ZNF492: variants seen among roughly 807,000 people sequenced by gnomAD.
ZNF492 encodes the protein zinc finger protein 115 (Y20).
ZNF492 carries 3 observed loss-of-function variants against 6.4 expected under a neutral mutation model. That is an observed-to-expected ratio of 0.47 (90% CI 0.21 to 1.22). The LOEUF (loss-of-function observed/expected upper bound fraction) is 1.22. Among genes scored for constraint, ZNF492 ranks in the 50% most tolerant of loss-of-function variants. The probability of loss-of-function intolerance (pLI) is 0.22; values close to 1 mark genes in which losing one functional copy is unlikely to be tolerated. For synonymous variants in ZNF492, 112 were observed against 205.3 expected (o/e 0.55, Z 3.89); for missense variants, 356 against 612.5 (o/e 0.58, Z 4.42).
rs1016634421 is a variant in ZNF492 at position 22,664,633 on chromosome 19, T to C, written c.964T>C (p.Ser322Pro). The C allele has an allele frequency of 6.2e-7, 1 of 1,613,652 alleles. No individual in the cohort carries two copies. The highest frequency in any genetic ancestry group is 8.5e-7 in the Non-Finnish European group (1 of 1,179,844). ...ATGTGGTAAGGCCTTTAGCCAGTTA[T>C]CCCACCTTACTACACATAAGAGAAT... ...EECGKAFSQL[S>P]HLTTHKRIHS... Residue 322 changes from serine (S) to proline (P), a missense_variant, in exon 4 of 4, where the codon TCC (serine) becomes CCC (proline). Transcript: ENST00000456783.
intron 3 of ZNF492, among the ~76,000 whole-genome samples, chr19:22,658,804 G>A (rs576202638): frequency 7.7e-5 from 11 of 143,316 alleles, no homozygotes; most frequent in African/African-American, 3.1e-4. Flanking sequence ...GTATGCAAAT[G>A]ACTCTTCATG....
rs373133389 is a variant in ZNF492, at chr19:22,661,038, C to T, written c.131-2762C>T. On this transcript the variant is annotated intron_variant, in intron 3 of 3. Coordinates refer to ENST00000456783, the MANE Select transcript of ZNF492 (RefSeq NM_020855.3). ...TTTGTAAATGACACATTACTTTTAC[C>T]TTGTAGCTCCTAAGACTTTCTTCTT... Among the ~76,000 whole-genome samples the T allele has an allele frequency of 8.5e-4, 129 of 151,718 alleles. 1 individual carries two copies. The highest frequency in any genetic ancestry group is 2.9e-3 in the African/African-American group (119 of 41,388).
chr19:22,638,751 T>C (rs1402346449), intron 1 of ZNF492, among the ~76,000 whole-genome samples: 1 of 152,202 alleles, frequency 6.6e-6, no homozygotes, highest in Non-Finnish European at 1.5e-5. Flanking sequence ...TTTTTAGCTC[T>C]GTTAAGAAAT....
chr19:22,650,235 T>C (rs1835993), intron 1 of ZNF492, among the ~76,000 whole-genome samples: 29,267 of 151,842 alleles, frequency 0.19, 3,638 homozygotes, highest in African/African-American at 0.36. Context: ...CTGGTTCACT[T>C]CTGAACCTGG....
intron 2 of ZNF492, 77 bp downstream of exon 2, chr19:22,653,510 G>A (rs1286239337): frequency 2.6e-6 from 4 of 1,528,832 alleles, no homozygotes; most frequent in Non-Finnish European, 3.5e-6. Flanking sequence ...ATGGTTTTTG[G>A]TAATTTATGC....
rs372255344 is a variant in ZNF492, at chr19:22,650,815, G to A, written c.-93-2492G>A. ...GCCAGGAGCTATAGAGATGACTGCC[G>A]CCCTTCCCCTGCCCAGGGAGCCTAG... On this transcript the variant is annotated intron_variant, in intron 1 of 3. Coordinates refer to ENST00000456783, the MANE Select transcript of ZNF492 (RefSeq NM_020855.3). 9.0e-4 allele frequency among the ~76,000 whole-genome samples: 137 copies of A among 152,242 alleles called. 1 individual carries two copies. The highest frequency in any genetic ancestry group is 2.9e-3 in the African/African-American group (120 of 41,526).
chr19:22,634,841 T>C lies in ZNF492; in HGVS notation c.-94+367T>C, dbSNP rs1164236914. 3.3e-5 allele frequency among the ~76,000 whole-genome samples: 5 copies of C among 152,160 alleles called. No homozygotes were observed. The East Asian group carries it at 9.7e-4, about 29-fold the overall frequency. ...ACGAATGGGAAGAGCTTTGGTTTGG[T>C]TTATGGGGTTCCTAGTTCCTCTTTT... On this transcript the variant is annotated intron_variant, in intron 1 of 3. Coordinates refer to ENST00000456783, the MANE Select transcript of ZNF492 (RefSeq NM_020855.3).
chr19:22,643,318 G>A (rs1431388279), intron 1 of ZNF492, among the ~76,000 whole-genome samples: 2 of 152,022 alleles, frequency 1.3e-5, no homozygotes, highest in Non-Finnish European at 2.9e-5. Context: ...AGACTCAGTC[G>A]GATATTGCTG....
At position 22,664,006 on chromosome 19, in the gene ZNF492, T is replaced by C; in HGVS notation, c.337T>C (p.Phe113Leu). ...TTTGACGACTACCCAGAACAAAATA[T>C]TTCAATGTGACAAATATGTGAAAGT... ...QCLTTTQNKIFQCDKYVKVFH... is the reference protein window; with the variant it reads ...QCLTTTQNKILQCDKYVKVFH... Residue 113 changes from phenylalanine to leucine, a missense_variant, in exon 4 of 4, where the codon TTT (phenylalanine) becomes CTT (leucine). Coordinates refer to ENST00000456783, the MANE Select transcript of ZNF492 (RefSeq NM_020855.3). 6.2e-7 allele frequency: 1 copy of C among 1,610,628 alleles called. No homozygotes were observed. The highest frequency in any genetic ancestry group is 8.5e-7 in the Non-Finnish European group (1 of 1,178,210).
At chr19:22,651,847 A>AAATAATAAT (rs3033251) in intron 1 of ZNF492, among the ~76,000 whole-genome samples, 1 of 151,838 alleles carries the variant, frequency 6.6e-6, no homozygotes, top group African/African-American at 2.4e-5. Flanking sequence ...GAAAGTTTAA[A>AAATAATAAT]AATAATAATA....
chr19:22,659,287 C>T (rs2957831), intron 3 of ZNF492, among the ~76,000 whole-genome samples: 22,508 of 141,632 alleles, frequency 0.16, 2,333 homozygotes, highest in African/African-American at 0.29. Flanking sequence ...TAATTTTCTT[C>T]TTTTTGTAAT....
chr19:22,656,775 C>G (rs1972000756), intron 3 of ZNF492, among the ~76,000 whole-genome samples: 1 of 152,072 alleles, frequency 6.6e-6, no homozygotes, highest in Admixed American at 6.6e-5. Flanking sequence ...TGAAAGCCTG[C>G]CTTCTGAAGA....
chr19:22,651,028 C>T (rs1470263470), intron 1 of ZNF492, among the ~76,000 whole-genome samples: 1 of 152,190 alleles, frequency 6.6e-6, no homozygotes, highest in African/African-American at 2.4e-5. Context: ...GGATCCTAGG[C>T]CCCAGTGGCA....
Position 22,665,075 on chromosome 19 carries a change from T to G in ZNF492, c.1406T>G (p.Met469Arg), listed in dbSNP as rs1337311646. 6.2e-7 allele frequency: 1 copy of G among 1,603,968 alleles called. No homozygotes were observed. The change falls in exon 4 of 4, where the codon ATG becomes AGG. Residue 469 changes from methionine (M) to arginine (R), a missense_variant. Around this residue, in one of 7 missense-constraint regions of ZNF492, gnomAD observed 81 missense variants for 115.4 expected, o/e 0.70. Transcript: ENST00000456783. ...TCCTCACACCTTACTACACATAAGA[T>G]GATTCATACTGGAGAGAAACCCTAC... is the stretch of plus-strand genomic sequence containing the variant. ...NQSSHLTTHK[M>R]IHTGEKPYKC... is the part of the protein sequence containing the mutation.
intron 3 of ZNF492, among the ~76,000 whole-genome samples, chr19:22,661,756 T>C (rs953100559): frequency 8.5e-5 from 13 of 152,082 alleles, no homozygotes; most frequent in Admixed American, 2.6e-4. Flanking sequence ...GACCCCATGC[T>C]CAGCTACTTT....
intron 3 of ZNF492, among the ~76,000 whole-genome samples, chr19:22,660,343 CTT>C (rs1203502545): frequency 3.3e-5 from 5 of 150,886 alleles, no homozygotes; most frequent in African/African-American, 4.9e-5. Context: ...CATTTTCTCT[CTT>C]TGTGTCTTTT....
At chr19:22,655,487 T>TA (rs1477005747) in intron 3 of ZNF492, among the ~76,000 whole-genome samples, 1 of 152,014 alleles carries the variant, frequency 6.6e-6, no homozygotes, top group African/African-American at 2.4e-5. Context: ...TTTTGTCAGA[T>TA]AGTTTGTTTA....
chr19:22,664,942 G>T lies in ZNF492; in HGVS notation c.1273G>T (p.Glu425Ter). 1 of 1,610,050 alleles carries T rather than the reference G, an allele frequency of 6.2e-7. No homozygotes were observed. Among genetic ancestry groups the T allele is most frequent in the Non-Finnish European group, 8.5e-7 (1 of 1,178,124 alleles). Residue 425 changes from glutamate (E) to a stop codon, truncating the protein, a stop_gained, in exon 4 of 4, where the codon GAA (glutamate) becomes TAA (stop). Coordinates refer to ENST00000456783, the MANE Select transcript of ZNF492 (RefSeq NM_020855.3). LOFTEE classifies it low-confidence loss of function (END_TRUNC). The stretch of plus-strand genomic sequence containing the variant: ...TGGAGAGAAACCCTACAAATGTGAA[G>T]AATGTGGCAAAGCTTTTAACCAGTC... ...HTGEKPYKCE[E>*]CGKAFNQSST...
At chr19:22,643,222 G>A (rs562316324) in intron 1 of ZNF492, among the ~76,000 whole-genome samples, 78 of 151,974 alleles carry the variant, frequency 5.1e-4, no homozygotes, top group Non-Finnish European at 1.0e-3. Flanking sequence ...TGCAGTAAGC[G>A]CACATCTTGT....
Sources: gnomAD v4.1 joint callset for allele counts (sites outside exome capture counted in the v4.1 genomes callset) on GRCh38, gnomAD v4.1.1 for gene constraint, gnomAD v4.1.1 regional missense constraint, MANE v1.5 for transcripts, NCBI Gene and HGNC (gene_info 2026-07-23, HGNC 2026-07-21) for gene names.